The following CIB4 variants were observed in gnomAD, a reference collection of about 807,000 sequenced individuals.
CIB4 encodes calcium and integrin-binding family member 4.
Under a neutral mutation model 25.8 loss-of-function variants are expected in CIB4, and 25 were observed. The observed-to-expected ratio is 0.97, with a 90% CI of 0.71 to 1.35. CIB4 has a LOEUF of 1.35. Ranked by LOEUF, CIB4 falls within the 40% of genes most tolerant of loss-of-function variation. The pLI, the probability that CIB4 is intolerant of heterozygous loss-of-function variation, is 0.00. For synonymous variants in CIB4, 75 were observed against 81.4 expected, an observed-to-expected ratio of 0.92 and a Z score of 0.42; for missense variants, 235 against 228.2, an observed-to-expected ratio of 1.03 and a Z score of -0.19.
intron 2 of CIB4, among the ~76,000 whole-genome samples, chr2:26,632,736 C>T (rs1329147034): frequency 1.4e-5 from 2 of 144,392 alleles, no homozygotes; most frequent in African/African-American, 2.6e-5. Flanking sequence ...CCAGCTTGGG[C>T]GACAGAGTGA....
At chr2:26,638,172 A>T (rs1277635938) in intron 2 of CIB4, among the ~76,000 whole-genome samples, 1 of 152,172 alleles carries the variant, frequency 6.6e-6, no homozygotes, top group Admixed American at 6.5e-5. Flanking sequence ...GCACTGAACC[A>T]TGAACCGTGA....
chr2:26,624,127 C>G (rs1404101917), intron 3 of CIB4, among the ~76,000 whole-genome samples: 2 of 152,206 alleles, frequency 1.3e-5, no homozygotes, highest in African/African-American at 4.8e-5. Context: ...CCAATATTCC[C>G]AAGCCCGCTT....
intron 2 of CIB4, among the ~76,000 whole-genome samples, chr2:26,634,170 C>A (rs1489485320): frequency 6.6e-6 from 1 of 152,188 alleles, no homozygotes; most frequent in Non-Finnish European, 1.5e-5. Context: ...CTCAGTATTT[C>A]TACTGCCCCA....
chr2:26,612,930 C>T (rs1010782696), intron 3 of CIB4, among the ~76,000 whole-genome samples: 7 of 128,446 alleles, frequency 5.4e-5, no homozygotes, highest in Admixed American at 2.3e-4. Context: ...TGAGAAGTGA[C>T]GTCTTGGTCA....
intron 4 of CIB4, among the ~76,000 whole-genome samples, chr2:26,587,304 C>CAAAAAAAAAAAAAAAAAA (rs71399396): frequency 3.3e-5 from 2 of 61,466 alleles, no homozygotes; most frequent in Non-Finnish European, 2.6e-5. Context: ...GACTCCGTCT[C>CAAAAAAAAAAAAAAAAAA]AAAAAAAAAA....
intron 3 of CIB4, among the ~76,000 whole-genome samples, chr2:26,610,771 A>C (rs1202639123): frequency 3.9e-5 from 6 of 152,194 alleles, no homozygotes; most frequent in African/African-American, 1.4e-4. Context: ...CCTTACAAGA[A>C]ACCAAGCAGT....
At chr2:26,628,138 T>G (rs765429361) in intron 3 of CIB4, among the ~76,000 whole-genome samples, 4 of 152,240 alleles carry the variant, frequency 2.6e-5, no homozygotes, top group Non-Finnish European at 5.9e-5. Context: ...ACGTGACATT[T>G]CCTCTCAATG....
chr2:26,630,327 C>T (rs1669393298), intron 2 of CIB4, among the ~76,000 whole-genome samples: 1 of 152,244 alleles, frequency 6.6e-6, no homozygotes, highest in Non-Finnish European at 1.5e-5. Context: ...GCACCCAAGG[C>T]AGCCAGTGGA....
At chr2:26,596,880 A>C (rs1055676441) in intron 3 of CIB4, among the ~76,000 whole-genome samples, 2 of 152,226 alleles carry the variant, frequency 1.3e-5, no homozygotes, top group African/African-American at 4.8e-5. Context: ...ATCAAACTTA[A>C]AGATGAGTTA....
intron 4 of CIB4, among the ~76,000 whole-genome samples, chr2:26,587,170 G>C (rs1572538429): frequency 6.6e-6 from 1 of 152,034 alleles, no homozygotes; most frequent in African/African-American, 2.4e-5. Context: ...GCCGGGCGTA[G>C]TGGCTGGCGC....
chr2:26,629,371 C>G (rs1169907889), intron 3 of CIB4, 39 bp downstream of exon 3: 1 of 1,351,366 alleles, frequency 7.4e-7, no homozygotes, highest in Non-Finnish European at 1.0e-6. Flanking sequence ...GCAGGTCCCA[C>G]TGATGCTGCC....
In CIB4 at chr2:26,623,488, C is replaced by T. The variant is rs1349282686; in HGVS notation, c.186+5922G>A. On this transcript the variant is annotated intron_variant, in intron 3 of 6. Transcript: ENST00000288861. ...TTCAGCCTTGGGAGTGAGTTCTTTG[C>T]AAGCTGTTCTAAGCAGATAGGAACT... 1.5e-5 allele frequency: 7 copies of T among 470,482 alleles called. No homozygotes were observed. In the East Asian group the frequency reaches 4.9e-4, roughly 33 times the overall value. The allele number at this position is 470,482 out of a possible 1,614,324, so 29.1% of individuals were successfully genotyped here.
In CIB4 at chr2:26,588,141, G is replaced by A. The variant is rs72817134; in HGVS notation, c.329-4243C>T. Reference sequence around the variant, plus strand: ...GGACCAGCCCCAGGGCCTGGAGACCGTGGACAGCTGCAGTGACACTACACT... The same window carrying A: ...GGACCAGCCCCAGGGCCTGGAGACCATGGACAGCTGCAGTGACACTACACT... On this transcript the variant is annotated intron_variant, in intron 4 of 6. Transcript: ENST00000288861. Among the ~76,000 whole-genome samples, 855 of 152,360 alleles carry A rather than the reference G, an allele frequency of 5.6e-3. 5 individuals carry two copies. Among genetic ancestry groups the A allele is most frequent in the Non-Finnish European group, 9.6e-3 (656 of 68,028 alleles).
chr2:26,628,113 A>G (rs1669343503), intron 3 of CIB4, among the ~76,000 whole-genome samples: 1 of 152,256 alleles, frequency 6.6e-6, no homozygotes, highest in Non-Finnish European at 1.5e-5. Flanking sequence ...AGCCTGACGT[A>G]GCCATGATTT....
chr2:26,629,393 C>T lies in CIB4; in HGVS notation c.186+17G>A, dbSNP rs979734147. The T allele has an allele frequency of 3.2e-6, 5 of 1,540,424 alleles. No homozygotes were observed. Among genetic ancestry groups the T allele is most frequent in the Non-Finnish European group, 4.4e-6 (5 of 1,132,498 alleles). On this transcript the variant is annotated intron_variant, in intron 3 of 6. Coordinates refer to ENST00000288861, the MANE Select transcript of CIB4 (RefSeq NM_001029881.3). ...CCACTGATGCTGCCCTTGCCCCACCCACCATCCTGGACTCACCCGCAGAGC... is the reference window on the plus strand; with the variant it reads ...CCACTGATGCTGCCCTTGCCCCACCTACCATCCTGGACTCACCCGCAGAGC...
At chr2:26,639,483 T>C (rs1170217982) in intron 2 of CIB4, among the ~76,000 whole-genome samples, 4 of 152,258 alleles carry the variant, frequency 2.6e-5, no homozygotes, top group African/African-American at 9.6e-5. Flanking sequence ...CATTTTTTTT[T>C]AGATTTCATT....
chr2:26,616,701 C>G (rs151061266), intron 3 of CIB4, among the ~76,000 whole-genome samples: 1 of 152,178 alleles, frequency 6.6e-6, no homozygotes, highest in Non-Finnish European at 1.5e-5. Flanking sequence ...AGCCATCAAC[C>G]ACCCCGGCCA....
chr2:26,620,502 T>C (rs1230552670), intron 3 of CIB4, among the ~76,000 whole-genome samples: 4 of 152,148 alleles, frequency 2.6e-5, no homozygotes, highest in Non-Finnish European at 5.9e-5. Flanking sequence ...TCAGACATGG[T>C]TGAGAACTGG....
At chr2:26,615,746 C>A (rs1338443483) in intron 3 of CIB4, among the ~76,000 whole-genome samples, 3 of 152,256 alleles carry the variant, frequency 2.0e-5, no homozygotes, top group African/African-American at 7.2e-5. Context: ...GGCCAGAGCC[C>A]GTCCCTCCAC....
Sources: allele counts gnomAD v4.1 joint callset (sites outside exome capture counted in the v4.1 genomes callset), GRCh38; gene constraint gnomAD v4.1.1; transcripts MANE v1.5; gene names NCBI Gene and HGNC (gene_info 2026-07-23, HGNC 2026-07-21).